LINGO2: variants seen among roughly 807,000 people sequenced by gnomAD.
LINGO2 encodes leucine rich repeat and Ig domain containing 2.
In LINGO2, 14 loss-of-function variants were observed where a neutral mutation model predicts 30.6. The observed-to-expected ratio is 0.46, with a 90% CI of 0.30 to 0.72. The LOEUF is 0.72. Ranked by LOEUF, LINGO2 falls within the 30% of genes least tolerant of loss-of-function variation. The pLI is 0.07. For synonymous variants in LINGO2, 317 were observed against 288.5 expected (o/e 1.10, Z -1.00); for missense variants, 729 against 751.7 (o/e 0.97, Z 0.35).
intron 1 of LINGO2, among the ~76,000 whole-genome samples, chr9:28,479,921 A>AGG (rs1825883774): frequency 3.4e-5 from 3 of 88,704 alleles, no homozygotes; most frequent in Non-Finnish European, 6.6e-5. Flanking sequence ...GTATATATAT[A>AGG]TATATATATA....
intron 1 of LINGO2, among the ~76,000 whole-genome samples, chr9:28,637,678 T>A (rs185634998): frequency 1.2e-4 from 18 of 152,318 alleles, no homozygotes; most frequent in Middle Eastern, 3.4e-3. Context: ...TTTTGAATCC[T>A]GAGACTTTGC....
the LINGO2 span, among the ~76,000 whole-genome samples, chr9:28,703,094 T>C: frequency 2.6e-5 from 4 of 151,834 alleles, no homozygotes; most frequent in Non-Finnish European, 5.9e-5. Flanking sequence ...AGCTTTTCTA[T>C]ATTGATTTCC....
At chr9:28,120,533 G>C (rs1259544525) in intron 4 of LINGO2, among the ~76,000 whole-genome samples, 3 of 152,084 alleles carry the variant, frequency 2.0e-5, no homozygotes, top group Non-Finnish European at 4.4e-5. Context: ...GTGTTAAAGG[G>C]TCCTTTTCTG....
chr9:28,994,336 C>A, the LINGO2 span, among the ~76,000 whole-genome samples: 122 of 151,826 alleles, frequency 8.0e-4, 1 homozygote, highest in Non-Finnish European at 1.5e-3. Context: ...ACTTCAAGGA[C>A]AACTACAAAC....
intron 4 of LINGO2, among the ~76,000 whole-genome samples, chr9:28,013,823 A>G (rs569822007): frequency 2.0e-5 from 3 of 152,284 alleles, no homozygotes; most frequent in African/African-American, 7.2e-5. Context: ...CTCTTAGCAC[A>G]TGAAATTGGA....
chr9:28,540,876 C>T (rs1035296716), intron 1 of LINGO2, among the ~76,000 whole-genome samples: 4 of 152,166 alleles, frequency 2.6e-5, no homozygotes, highest in Non-Finnish European at 5.9e-5. Context: ...ACCAACTTAA[C>T]CTACTGGACT....
At chr9:28,983,392 G>A in the LINGO2 span, among the ~76,000 whole-genome samples, 5 of 149,930 alleles carry the variant, frequency 3.3e-5, 1 homozygote, top group African/African-American at 1.2e-4. Context: ...AAAGTTCATT[G>A]TCAATGGTAA....
At chr9:28,431,029 TGAGAGAGAGAGAGAGA>T (rs57751993) in intron 2 of LINGO2, among the ~76,000 whole-genome samples, 87 of 129,452 alleles carry the variant, frequency 6.7e-4, no homozygotes, top group African/African-American at 2.5e-3. Context: ...GCATGAGTGA[TGAGAGAGAGAGAGAGA>T]GAGAGAGAGA....
At chr9:29,138,948 CAAAT>C in the LINGO2 span, among the ~76,000 whole-genome samples, 1 of 152,236 alleles carries the variant, frequency 6.6e-6, no homozygotes. Context: ...TTGCTAATAA[CAAAT>C]AGAGTATGGC....
the LINGO2 span, among the ~76,000 whole-genome samples, chr9:28,774,455 G>A: frequency 2.6e-5 from 4 of 151,986 alleles, no homozygotes; most frequent in Non-Finnish European, 5.9e-5. Context: ...ACATACATAT[G>A]CCCATGCCTA....
chr9:28,684,067 A>G, the LINGO2 span, among the ~76,000 whole-genome samples: 1 of 152,022 alleles, frequency 6.6e-6, no homozygotes, highest in Non-Finnish European at 1.5e-5. Flanking sequence ...CAAAAAATGT[A>G]AAAGTTTACA....
chr9:28,838,286 G>A, the LINGO2 span, among the ~76,000 whole-genome samples: 1 of 152,016 alleles, frequency 6.6e-6, no homozygotes, highest in African/African-American at 2.4e-5. Flanking sequence ...ATTTAAACCA[G>A]TGCCATTCAT....
chr9:29,162,330 T>A, the LINGO2 span, among the ~76,000 whole-genome samples: 17 of 152,340 alleles, frequency 1.1e-4, no homozygotes, highest in African/African-American at 3.8e-4. Context: ...TAAAAATGAA[T>A]ATATTTCAAT....
the LINGO2 span, among the ~76,000 whole-genome samples, chr9:29,090,662 A>T: frequency 3.3e-5 from 5 of 152,218 alleles, no homozygotes; most frequent in East Asian, 9.6e-4. Context: ...AATTCTTGTT[A>T]TGATTTATTT....
the LINGO2 span, among the ~76,000 whole-genome samples, chr9:29,171,911 A>G: frequency 7.2e-5 from 11 of 152,068 alleles, no homozygotes; most frequent in East Asian, 2.1e-3. Flanking sequence ...TGAGAATTCT[A>G]TAATACATGT....
intron 3 of LINGO2, among the ~76,000 whole-genome samples, chr9:28,354,471 A>C (rs919700647): frequency 6.6e-6 from 1 of 152,206 alleles, no homozygotes; most frequent in Non-Finnish European, 1.5e-5. Flanking sequence ...CTAGAACTTC[A>C]TAATTTTTTA....
At chr9:28,359,426 G>C (rs2134497528) in intron 3 of LINGO2, among the ~76,000 whole-genome samples, 1 of 152,080 alleles carries the variant, frequency 6.6e-6, no homozygotes, top group Admixed American at 6.6e-5. Flanking sequence ...ATTGGTCCCA[G>C]AGTAATACCA....
chr9:28,997,198 G>A, the LINGO2 span, among the ~76,000 whole-genome samples: 3 of 152,082 alleles, frequency 2.0e-5, no homozygotes, highest in African/African-American at 7.2e-5. Context: ...GGAGGCCAAG[G>A]TGAGAGGACT....
chr9:29,193,395 T>C, the LINGO2 span, among the ~76,000 whole-genome samples: 1 of 152,142 alleles, frequency 6.6e-6, no homozygotes, highest in Non-Finnish European at 1.5e-5. Context: ...ATTGTGAACC[T>C]GAATATATCA....
Sources: allele counts gnomAD v4.1 joint callset (sites outside exome capture counted in the v4.1 genomes callset), GRCh38; gene constraint gnomAD v4.1.1; transcripts MANE v1.5; gene names NCBI Gene and HGNC (gene_info 2026-07-23, HGNC 2026-07-21).